Variants in ABCC6 observed in about 807,000 individuals in gnomAD.
The protein encoded by ABCC6 is ATP binding cassette subfamily C member 6, also known as ATP-binding cassette sub-family C member 6.
In ABCC6, 126 loss-of-function variants were observed where a neutral mutation model predicts 169.5. The observed-to-expected ratio is 0.74, with a 90% confidence interval of 0.64 to 0.86. ABCC6 has a LOEUF of 0.86. Among genes scored for constraint, ABCC6 ranks in the 40% least tolerant of loss-of-function variants. The probability of loss-of-function intolerance (pLI) is 0.00; values close to 1 mark genes in which losing one functional copy is unlikely to be tolerated. For missense variants in ABCC6, 1,733 were observed against 1,927.2 expected (o/e 0.90, Z 1.89); for synonymous variants, 752 against 814.7 (o/e 0.92, Z 1.31).
chr16:16,155,252 T>C (rs2046513962), intron 27 of ABCC6: 1 of 610,852 alleles, frequency 1.6e-6, no homozygotes, highest in Non-Finnish European at 2.9e-6. Context: ...TATCCTGATA[T>C]CTCTCTCCCA....
rs1158709263 is a variant in ABCC6 at position 16,182,516 on chromosome 16, GC to G, written c.2142del (p.Gln715ArgfsTer12). ...NTSVVENVCF[G>X]QELDPPWLER... ...TCCAGCCAGGGTGGGTCCAGCTCCT[GC>G]CCGAAGCACACATTCTCTACCACAG... On this transcript the variant is annotated frameshift_variant, in exon 17 of 31. Transcript: ENST00000205557. LOFTEE classifies it high-confidence loss of function. 1.2e-6 allele frequency: 2 copies of G among 1,614,180 alleles called. No individual in the cohort carries two copies. The highest frequency in any genetic ancestry group is 8.5e-7 in the Non-Finnish European group (1 of 1,180,028).
At chr16:16,191,066 C>G (rs1423514471) in intron 11 of ABCC6, among the ~76,000 whole-genome samples, 3 of 63,164 alleles carry the variant, frequency 4.7e-5, no homozygotes, top group African/African-American at 1.7e-4. Context: ...TTCAGGGTCT[C>G]CTGTGCTTCA....
chr16:16,192,956 C>A, intron 10 of ABCC6, 34 bp from the exon 11 acceptor site: 1 of 1,583,294 alleles, frequency 6.3e-7, no homozygotes, highest in Non-Finnish European at 8.7e-7. Context: ...TCAGGAGATC[C>A]CGAGGAGCCC....
intron 4 of ABCC6, among the ~76,000 whole-genome samples, chr16:16,218,065 G>A (rs369573905): frequency 1.3e-5 from 2 of 152,114 alleles, no homozygotes; most frequent in Non-Finnish European, 2.9e-5. Flanking sequence ...CTCCAGCCTG[G>A]GCAATAGAGC....
At chr16:16,163,891 G>A (rs1468497087) in intron 23 of ABCC6, among the ~76,000 whole-genome samples, 2 of 152,152 alleles carry the variant, frequency 1.3e-5, no homozygotes, top group African/African-American at 4.8e-5. Flanking sequence ...CAGCTGTCCT[G>A]AGTGCCACAG....
intron 14 of ABCC6, among the ~76,000 whole-genome samples, chr16:16,186,492 C>T (rs997091388): frequency 4.6e-5 from 7 of 151,722 alleles, no homozygotes; most frequent in Non-Finnish European, 8.8e-5. Context: ...CTCCCATCAC[C>T]GCCTGAGCTC....
chr16:16,154,586 C>T (rs2046479559), intron 29 of ABCC6, 42 bp downstream of exon 29: 2 of 1,610,464 alleles, frequency 1.2e-6, no homozygotes, highest in African/African-American at 1.3e-5. Flanking sequence ...CCATCCCCTC[C>T]TCTCCCACCT....
rs1253083608 is a variant in ABCC6, at chr16:16,182,679, TG to T, written c.2071-92del. On this transcript the variant is annotated intron_variant, in intron 16 of 30. Coordinates refer to ENST00000205557, the MANE Select transcript of ABCC6 (RefSeq NM_001171.6). ...GCAGTGGGAGCTGGGCTCTCAGTGG[TG>T]GGTGAGAGGTGGAGAGAATGAGTGA... 17 of 1,528,684 alleles carry T rather than the reference TG, an allele frequency of 1.1e-5. No homozygotes were observed. The African/African-American group carries it at 1.4e-4, about 13-fold the overall frequency. The allele number at this position is 1,528,684 out of a possible 1,614,324, so 94.7% of individuals were successfully genotyped here.
At chr16:16,189,419 CTT>C (rs142245731) in intron 12 of ABCC6, among the ~76,000 whole-genome samples, 37,105 of 137,872 alleles carry the variant, frequency 0.27, 4,869 homozygotes, top group Non-Finnish European at 0.31. Flanking sequence ...ATTTGTGGTG[CTT>C]TTTTTTTTTT....
chr16:16,185,479 A>AG (rs970159021), intron 14 of ABCC6, among the ~76,000 whole-genome samples: 2 of 152,132 alleles, frequency 1.3e-5, no homozygotes, highest in African/African-American at 4.8e-5. Context: ...CCCAGAGTGA[A>AG]GGGGGTGTTA....
intron 11 of ABCC6, among the ~76,000 whole-genome samples, chr16:16,192,557 G>A (rs576095219): frequency 6.6e-6 from 1 of 152,244 alleles, no homozygotes; most frequent in South Asian, 2.1e-4. Flanking sequence ...TGAAGGTGAT[G>A]CCAAGCAAAT....
intron 15 of ABCC6, among the ~76,000 whole-genome samples, chr16:16,184,705 T>TC (rs922835058): frequency 4.6e-5 from 7 of 151,912 alleles, no homozygotes; most frequent in Non-Finnish European, 8.8e-5. Flanking sequence ...CAGGGGTGTC[T>TC]CCCCCTAATG....
rs1206067389 is a variant in ABCC6, at chr16:16,192,801, C to T, written c.1431+29G>A. On this transcript the variant is annotated intron_variant, in intron 11 of 30. Coordinates refer to ENST00000205557, the MANE Select transcript of ABCC6 (RefSeq NM_001171.6). Reference sequence around the variant, plus strand: ...CTGTGGCTTCCTCCCTACTTCCTGCCTGGTCCGTCCCTTTCCCAAAAGCCA... The same window carrying T: ...CTGTGGCTTCCTCCCTACTTCCTGCTTGGTCCGTCCCTTTCCCAAAAGCCA... 1.9e-6 allele frequency: 3 copies of T among 1,595,132 alleles called. No homozygotes were observed. In the South Asian group the frequency reaches 3.3e-5, roughly 18 times the overall value.
chr16:16,192,362 G>A (rs1439027362), intron 11 of ABCC6, among the ~76,000 whole-genome samples: 6 of 152,122 alleles, frequency 3.9e-5, no homozygotes, highest in Non-Finnish European at 8.8e-5. Flanking sequence ...AAATGGGGCC[G>A]CTGTGGGTCT....
At chr16:16,175,520 A>G (rs2152246639) in intron 20 of ABCC6, among the ~76,000 whole-genome samples, 1 of 152,290 alleles carries the variant, frequency 6.6e-6, no homozygotes, top group African/African-American at 2.4e-5. Context: ...CTGTGCATAC[A>G]GACCCAAGCC....
chr16:16,151,584 G>A (rs1194662982), intron 29 of ABCC6, among the ~76,000 whole-genome samples: 1 of 152,156 alleles, frequency 6.6e-6, no homozygotes, highest in African/African-American at 2.4e-5. Context: ...ACAACACCTG[G>A]GTGGGATTCC....
intron 20 of ABCC6, 137 bp from the exon 21 acceptor site, chr16:16,173,541 A>G (rs527717514): frequency 1.8e-6 from 2 of 1,095,096 alleles, no homozygotes; most frequent in South Asian, 2.6e-5. Flanking sequence ...TTTATCTAAC[A>G]GAATACTGAC....
chr16:16,202,761 T>C (rs1298919063), intron 8 of ABCC6, among the ~76,000 whole-genome samples: 1 of 152,192 alleles, frequency 6.6e-6, no homozygotes, highest in Non-Finnish European at 1.5e-5. Flanking sequence ...AATACATTTC[T>C]GTTGTTCAAG....
At chr16:16,203,311 C>T (rs7498461) in intron 8 of ABCC6, 99 bp downstream of exon 8, 183,337 of 1,425,598 alleles carry the variant, frequency 0.13, 14,554 homozygotes, top group Middle Eastern at 0.15. Context: ...GAGCACCAGA[C>T]GTATAGGCAG....
Sources: gnomAD v4.1 joint callset for allele counts (sites outside exome capture counted in the v4.1 genomes callset) on GRCh38, gnomAD v4.1.1 for gene constraint, MANE v1.5 for transcripts, NCBI Gene and HGNC (gene_info 2026-07-23, HGNC 2026-07-21) for gene names.